RP1: variants seen among roughly 807,000 people sequenced by gnomAD.
RP1 encodes the protein RP1 axonemal microtubule associated, also known as oxygen-regulated protein 1.
Under a neutral mutation model 14.8 loss-of-function variants are expected in RP1, and 16 were observed. That is an observed-to-expected ratio of 1.08 (90% confidence interval 0.73 to 1.65). RP1 has a LOEUF of 1.65. RP1 is among the 40% of genes most tolerant of loss of function. The pLI is 0.00. For synonymous variants in RP1, 876 were observed against 883.6 expected (o/e 0.99, Z 0.15); for missense variants, 2,631 against 2,535.0 (o/e 1.04, Z -0.81).
intron 22 of RP1, among the ~76,000 whole-genome samples, chr8:54,764,125 C>T (rs1039681924): frequency 2.0e-5 from 3 of 152,210 alleles, no homozygotes; most frequent in Non-Finnish European, 4.4e-5. Context: ...TCTGTTGTTC[C>T]ACCGAAACAA....
downstream of RP1, among the ~76,000 whole-genome samples, chr8:54,773,275 G>T (rs951801977): frequency 2.0e-5 from 3 of 152,076 alleles, no homozygotes; most frequent in African/African-American, 7.2e-5. Context: ...TTAGAATAAT[G>T]TACTGAAAAC....
intron 23 of RP1, among the ~76,000 whole-genome samples, chr8:54,777,300 C>T (rs904453805): frequency 6.6e-6 from 1 of 152,290 alleles, no homozygotes; most frequent in African/African-American, 2.4e-5. Context: ...GCAAGCACTT[C>T]CCACCCGGTT....
At chr8:54,745,149 T>C (rs1175339120) in intron 19 of RP1, among the ~76,000 whole-genome samples, 3 of 152,220 alleles carry the variant, frequency 2.0e-5, no homozygotes, top group Non-Finnish European at 4.4e-5. Context: ...GAACACAATC[T>C]ACCATTAACC....
chr8:54,628,234 T>G lies in RP1; in HGVS notation c.4352T>G (p.Ile1451Arg), dbSNP rs369927538. Residue 1451 changes from isoleucine to arginine, a missense_variant, in exon 4 of 4, where the codon ATA becomes AGA. Physicochemically the swap from Ile to Arg is moderately conservative, Grantham distance 97. Coordinates refer to ENST00000220676, the MANE Select transcript of RP1 (RefSeq NM_006269.2). ...EPRTSEEPGS[I>R]TNSMTSSERN... ...CGGACTTCTGAAGAACCAGGCTCAA[T>G]AACCAACAGCATGACATCAAGTGAA... The G allele has an allele frequency of 5.3e-5, 85 of 1,613,902 alleles. No homozygotes were observed. The highest frequency in any genetic ancestry group is 7.0e-5 in the Non-Finnish European group (83 of 1,179,950).
In RP1 at chr8:54,721,986, T is replaced by C. The variant is rs192979390; in HGVS notation, c.2389+1680T>C. Among the ~76,000 whole-genome samples, 149 of 152,252 alleles carry C rather than the reference T, an allele frequency of 9.8e-4. 1 individual carries two copies. Among genetic ancestry groups the C allele is most frequent in the African/African-American group, 3.4e-3 (140 of 41,574 alleles). ...GGCCGGGCACTGTGGCTCACGCTTA[T>C]AATCCCAGCACTTTGGGAGGCCAAG... On this transcript the variant is annotated intron_variant, in intron 16 of 22. Coordinates refer to the RP1 transcript ENST00000636932.
exon 24 of RP1, chr8:54,783,551 A>G: frequency 3.3e-6 from 4 of 1,230,524 alleles, no homozygotes; most frequent in Non-Finnish European, 4.1e-6. Flanking sequence ...TTGCAGATGG[A>G]GACTGGAAGG....
At chr8:54,639,299 C>T (rs534297113) in intron 3 of RP1, among the ~76,000 whole-genome samples, 2 of 152,244 alleles carry the variant, frequency 1.3e-5, no homozygotes, top group African/African-American at 2.4e-5. Flanking sequence ...TATGTACATA[C>T]CACACTTTGT....
intron 3 of RP1, among the ~76,000 whole-genome samples, chr8:54,639,392 C>G (rs1487381564): frequency 2.0e-5 from 3 of 152,128 alleles, no homozygotes; most frequent in Non-Finnish European, 4.4e-5. Flanking sequence ...CATGTCCAGT[C>G]TTCTTGCAGG....
Position 54,698,887 on chromosome 8 carries a change from G to A in RP1, c.1718-580G>A, listed in dbSNP as rs563295178. ...GGAACATCACACATCAAGGCCTATCGGGGGTTGGGGTCCTGGGGGAGGGAT... is the reference window on the plus strand; with the variant it reads ...GGAACATCACACATCAAGGCCTATCAGGGGTTGGGGTCCTGGGGGAGGGAT... On this transcript the variant is annotated intron_variant, in intron 12 of 22. Coordinates refer to the RP1 transcript ENST00000636932. Among the ~76,000 whole-genome samples, 19 of 152,106 alleles carry A rather than the reference G, an allele frequency of 1.2e-4. No homozygotes were observed. The South Asian group carries it at 3.3e-3, about 27-fold the overall frequency.
At chr8:54,672,799 T>C (rs1335032440) in intron 7 of RP1, among the ~76,000 whole-genome samples, 1 of 152,186 alleles carries the variant, frequency 6.6e-6, no homozygotes, top group Non-Finnish European at 1.5e-5. Flanking sequence ...ATCTCAACTT[T>C]CCTTGAGGAC....
At chr8:54,776,289 C>T (rs1332314860) in intron 23 of RP1, among the ~76,000 whole-genome samples, 2 of 152,142 alleles carry the variant, frequency 1.3e-5, no homozygotes, top group Non-Finnish European at 2.9e-5. Context: ...GCAGCCTTGA[C>T]CTCTTGGCCT....
intron 26 of RP1, chr8:54,852,768 G>A (rs1812085629): frequency 2.0e-5 from 24 of 1,224,020 alleles, no homozygotes; most frequent in East Asian, 3.2e-5. Context: ...ACCGACTATC[G>A]TTCCTTTAAT....
rs994387806 is a variant in RP1 at position 54,709,714 on chromosome 8, T to C, written c.2211+3059T>C. Among the ~76,000 whole-genome samples the C allele has an allele frequency of 7.2e-5, 11 of 152,280 alleles. No homozygotes were observed. In the East Asian group the frequency reaches 1.9e-3, roughly 27 times the overall value. On this transcript the variant is annotated intron_variant, in intron 15 of 22. Transcript: ENST00000636932. ...AGGCCTTTTGGAGATAAGCACACCA[T>C]AGCTAGGTTACATGAGCCTTGTCCA...
At chr8:54,831,881 G>A (rs1394175769) in intron 24 of RP1, among the ~76,000 whole-genome samples, 4 of 151,016 alleles carry the variant, frequency 2.6e-5, no homozygotes, top group African/African-American at 9.7e-5. Context: ...ATGAAAAGAT[G>A]TTCATTTTAC....
rs1811693387 is a variant in RP1, at chr8:54,837,672, A to G, written c.3835+3A>G. ...ACCAAAGAAAGCACCTTTGCCAGGT[A>G]TATAATTTCATTTCCTTTGTGATGT... On this transcript the variant is annotated splice_donor_region_variant and intron_variant, in intron 25 of 28. Transcript: ENST00000637698. The G allele has an allele frequency of 1.2e-5, 15 of 1,219,100 alleles. No homozygotes were observed. In the South Asian group the frequency reaches 1.7e-4, roughly 14 times the overall value. 75.5% of individuals were successfully genotyped at this position (1,219,100 alleles called of 1,614,324 possible).
intron 18 of RP1, chr8:54,738,894 T>G: frequency 7.9e-7 from 1 of 1,263,456 alleles, no homozygotes; most frequent in Non-Finnish European, 1.1e-6. Context: ...TTTAATGTGC[T>G]TAATTTAAAA....
rs553802167 is a variant in RP1, at chr8:54,739,753, T to A, written c.2808+724T>A. On this transcript the variant is annotated intron_variant, in intron 19 of 22. Coordinates refer to the RP1 transcript ENST00000636932. Reference sequence around the variant, plus strand: ...CATAGCACATATATATGTGTAAATATCAATGTAAAATATAGCCATGTGCCA... The same window carrying A: ...CATAGCACATATATATGTGTAAATAACAATGTAAAATATAGCCATGTGCCA... Among the ~76,000 whole-genome samples the A allele has an allele frequency of 5.3e-5, 8 of 152,152 alleles. No homozygotes were observed. The South Asian group carries it at 1.5e-3, about 28-fold the overall frequency.
At chr8:54,623,142 T>C (rs894186425) in intron 3 of RP1, among the ~76,000 whole-genome samples, 7 of 152,240 alleles carry the variant, frequency 4.6e-5, no homozygotes, top group Admixed American at 3.9e-4. Flanking sequence ...ATATATTCAA[T>C]AGATAATTAT....
At chr8:54,852,637 T>A in exon 26 of RP1, 1 of 1,231,998 alleles carries the variant, frequency 8.1e-7, no homozygotes, top group Non-Finnish European at 1.0e-6. Flanking sequence ...GAGTCTAATG[T>A]ATTTATCAAC....
Sources: gnomAD v4.1 joint callset for allele counts (sites outside exome capture counted in the v4.1 genomes callset) on GRCh38, gnomAD v4.1.1 for gene constraint, MANE v1.5 for transcripts, NCBI Gene and HGNC (gene_info 2026-07-23, HGNC 2026-07-21) for gene names.